GRIK4: variants seen among roughly 807,000 people sequenced by gnomAD.
The protein encoded by GRIK4 is glutamate receptor ionotropic, kainate 4.
GRIK4 carries 40 observed loss-of-function variants against 104.9 expected under a neutral mutation model. The observed-to-expected ratio is 0.38, with a 90% CI of 0.30 to 0.50. The LOEUF (loss-of-function observed/expected upper bound fraction) is 0.50. GRIK4 is among the 20% of genes least tolerant of loss of function. The pLI, the probability that GRIK4 is intolerant of heterozygous loss-of-function variation, is 0.93. For missense variants in GRIK4, 1,047 were observed against 1,308.1 expected (o/e 0.80, Z 3.08); for synonymous variants, 485 against 524.9 (o/e 0.92, Z 1.04).
rs562324995 is a variant in GRIK4, at chr11:120,551,815, A to G, written c.-159+39928A>G. On this transcript the variant is annotated intron_variant, in intron 1 of 20. Coordinates refer to ENST00000527524, the MANE Select transcript of GRIK4 (RefSeq NM_014619.5). ...TAAATAAATAAATAAATAAAATTTT[A>G]TGTGGTTAACAGTCACGTCTATCCA... Among the ~76,000 whole-genome samples the G allele has an allele frequency of 2.7e-5, 4 of 150,548 alleles. No individual in the cohort carries two copies. In the South Asian group the frequency reaches 8.3e-4, roughly 31 times the overall value.
intron 1 of GRIK4, among the ~76,000 whole-genome samples, chr11:120,559,857 C>T (rs2136101371): frequency 6.6e-6 from 1 of 152,262 alleles, no homozygotes; most frequent in South Asian, 2.1e-4. Context: ...ACTGTATCTG[C>T]ATTACACCAG....
In GRIK4 at chr11:120,936,411, C is replaced by T. The variant is rs559273355; in HGVS notation, c.1477-3936C>T. The stretch of plus-strand genomic sequence containing the variant: ...ATCTTTTAACTTTTTTTCTGTCTCC[C>T]CTTTAGGAGAGATACGGGTTTCATT... On this transcript the variant is annotated intron_variant, in intron 13 of 20. Coordinates refer to ENST00000527524, the MANE Select transcript of GRIK4 (RefSeq NM_014619.5). The T allele has an allele frequency of 2.9e-5, 9 of 305,814 alleles. No homozygotes were observed. The South Asian group carries it at 3.1e-4, about 11-fold the overall frequency. 18.9% of individuals were successfully genotyped at this position (305,814 alleles called of 1,614,324 possible).
chr11:120,705,262 A>T (rs182931865), intron 3 of GRIK4, among the ~76,000 whole-genome samples: 55 of 138,896 alleles, frequency 4.0e-4, no homozygotes, highest in African/African-American at 1.4e-3. Flanking sequence ...ATGGAGTTTC[A>T]CTGTTGTCTT....
At chr11:120,686,883 C>T (rs1469660190) in intron 3 of GRIK4, among the ~76,000 whole-genome samples, 3 of 152,188 alleles carry the variant, frequency 2.0e-5, no homozygotes, top group Non-Finnish European at 4.4e-5. Context: ...TCCCAAAGTG[C>T]GTTATTAACT....
In GRIK4 at chr11:120,687,547, T is replaced by TC. The variant is rs376737979; in HGVS notation, c.82+27150dup. ...TCTATTGTGTGTTGTTGTTGTTTTT[T>TC]CCCTCTTAGATTTTGGCCATATGAT... is the stretch of plus-strand genomic sequence containing the variant. On this transcript the variant is annotated intron_variant, in intron 3 of 20. Coordinates refer to ENST00000527524, the MANE Select transcript of GRIK4 (RefSeq NM_014619.5). Among the ~76,000 whole-genome samples the TC allele has an allele frequency of 3.0e-3, 452 of 152,322 alleles. 5 individuals are homozygous for TC. The highest frequency in any genetic ancestry group is 0.01 in the African/African-American group (425 of 41,564).
intron 13 of GRIK4, among the ~76,000 whole-genome samples, chr11:120,921,242 C>T (rs899015068): frequency 6.6e-6 from 1 of 152,188 alleles, no homozygotes; most frequent in African/African-American, 2.4e-5. Flanking sequence ...TGTCTCCGCT[C>T]ACTAGAATGT....
intron 3 of GRIK4, among the ~76,000 whole-genome samples, chr11:120,777,752 C>T (rs1464800593): frequency 2.0e-5 from 3 of 152,086 alleles, no homozygotes; most frequent in Non-Finnish European, 4.4e-5. Flanking sequence ...GCCTGGCCAA[C>T]ATGGTGAAAC....
chr11:120,604,045 A>G (rs1276747815), intron 1 of GRIK4, among the ~76,000 whole-genome samples: 1 of 151,844 alleles, frequency 6.6e-6, no homozygotes, highest in African/African-American at 2.4e-5. Context: ...GGTGGCGGGC[A>G]CCTGTAGCCC....
chr11:120,733,927 G>A (rs904637776), intron 3 of GRIK4, among the ~76,000 whole-genome samples: 2 of 151,922 alleles, frequency 1.3e-5, no homozygotes, highest in African/African-American at 4.8e-5. Flanking sequence ...TAGTAGAGAC[G>A]GGGTTTCATC....
At chr11:120,807,009 A>T (rs1952724468) in intron 4 of GRIK4, among the ~76,000 whole-genome samples, 1 of 152,166 alleles carries the variant, frequency 6.6e-6, no homozygotes, top group Non-Finnish European at 1.5e-5. Context: ...TCCAGCCTGC[A>T]TCTGACATCC....
chr11:120,574,357 C>G (rs1948448620), intron 1 of GRIK4, among the ~76,000 whole-genome samples: 1 of 152,180 alleles, frequency 6.6e-6, no homozygotes, highest in South Asian at 2.1e-4. Flanking sequence ...GCCAAAATAG[C>G]AAACAAGTCA....
At chr11:120,693,093 GATTTT>G (rs1231902490) in intron 3 of GRIK4, among the ~76,000 whole-genome samples, 1 of 151,774 alleles carries the variant, frequency 6.6e-6, no homozygotes, top group Non-Finnish European at 1.5e-5. Context: ...TACATTTTAT[GATTTT>G]ATTTTATTAT....
At chr11:120,771,922 A>G (rs72995844) in intron 3 of GRIK4, among the ~76,000 whole-genome samples, 7,625 of 152,324 alleles carry the variant, frequency 0.05, 366 homozygotes, top group African/African-American at 0.12. Context: ...CAGTAGAACC[A>G]CAGGGGTAGA....
At chr11:120,518,728 C>T (rs1385050971) in intron 1 of GRIK4, among the ~76,000 whole-genome samples, 1 of 152,184 alleles carries the variant, frequency 6.6e-6, no homozygotes, top group African/African-American at 2.4e-5. Context: ...AAGTGATTCT[C>T]CTGCCTCAGC....
At chr11:120,618,472 C>T (rs1409607635) in intron 1 of GRIK4, among the ~76,000 whole-genome samples, 1 of 152,168 alleles carries the variant, frequency 6.6e-6, no homozygotes, top group Non-Finnish European at 1.5e-5. Context: ...GCAGGCTGTA[C>T]AAATTTGCAT....
At chr11:120,737,393 G>T (rs559902788) in intron 3 of GRIK4, among the ~76,000 whole-genome samples, 1 of 152,322 alleles carries the variant, frequency 6.6e-6, no homozygotes, top group South Asian at 2.1e-4. Context: ...AGCAGGCATT[G>T]TGTGTTCCTA....
intron 3 of GRIK4, among the ~76,000 whole-genome samples, chr11:120,681,261 G>T (rs1181535342): frequency 6.6e-6 from 1 of 152,116 alleles, no homozygotes; most frequent in Non-Finnish European, 1.5e-5. Context: ...AAAGCTCAGG[G>T]TGCAGGAGGG....
intron 1 of GRIK4, among the ~76,000 whole-genome samples, chr11:120,558,890 C>T (rs914274315): frequency 3.3e-5 from 5 of 152,134 alleles, no homozygotes; most frequent in Admixed American, 2.0e-4. Flanking sequence ...TGCTCTGGCT[C>T]ATTACCAGTG....
rs1374878012 is a variant in GRIK4, at chr11:120,905,889, C to T, written c.1476+396C>T. Among the ~76,000 whole-genome samples, 2 of 152,190 alleles carry T rather than the reference C, an allele frequency of 1.3e-5. No individual in the cohort carries two copies. The highest frequency in any genetic ancestry group is 2.4e-5 in the African/African-American group (1 of 41,436). On this transcript the variant is annotated intron_variant, in intron 13 of 20. Coordinates refer to ENST00000527524, the MANE Select transcript of GRIK4 (RefSeq NM_014619.5). This position sits in a 1 kb window ranked among gnomAD's most constrained non-coding sequence, Gnocchi z 5.1. Reference sequence around the variant, plus strand: ...TGCACCCACATCAGCTGGCTTGGATCCTTGAGAGACACTGCCAAGGGAGAC... The same window carrying T: ...TGCACCCACATCAGCTGGCTTGGATTCTTGAGAGACACTGCCAAGGGAGAC...
Sources: gnomAD v4.1 joint callset for allele counts (sites outside exome capture counted in the v4.1 genomes callset) on GRCh38, gnomAD v4.1.1 for gene constraint, Gnocchi (gnomAD v3.1) non-coding constraint, MANE v1.5 for transcripts, NCBI Gene and HGNC (gene_info 2026-07-23, HGNC 2026-07-21) for gene names.